The following WDR70 variants were observed in gnomAD, a reference collection of about 807,000 sequenced individuals.
The protein encoded by WDR70 is WD repeat domain 70, also known as WD repeat-containing protein 70.
WDR70 carries 53 observed loss-of-function variants against 88.6 expected under a neutral mutation model. The ratio of observed to expected loss-of-function variants is 0.60; its 90% CI spans 0.48 to 0.75. WDR70 has a LOEUF of 0.75. Among genes scored for constraint, WDR70 ranks in the 30% least tolerant of loss-of-function variants. The pLI is 0.00. For missense variants in WDR70, 610 were observed against 823.2 expected, an observed-to-expected ratio of 0.74 and a Z score of 3.17; for synonymous variants, 280 against 270.0, an observed-to-expected ratio of 1.04 and a Z score of -0.36.
chr5:37,753,057 T>C lies in WDR70; in HGVS notation c.*484T>C, dbSNP rs1188682350. ...TGCCATACTGGGAAAGAGCATTATC[T>C]CATTATCCTTCAATAGCAGAATACA... On this transcript the variant is annotated 3_prime_UTR_variant, in exon 18 of 18. Coordinates refer to ENST00000265107, the MANE Select transcript of WDR70 (RefSeq NM_018034.4). 1.3e-5 allele frequency: 2 copies of C among 154,192 alleles called. No individual in the cohort carries two copies. Among genetic ancestry groups the C allele is most frequent in the Non-Finnish European group, 1.4e-5 (1 of 69,566 alleles). 9.6% of individuals were successfully genotyped at this position (154,192 alleles called of 1,614,324 possible).
chr5:37,673,977 C>T (rs1197542547), intron 10 of WDR70, among the ~76,000 whole-genome samples: 2 of 152,138 alleles, frequency 1.3e-5, no homozygotes, highest in African/African-American at 2.4e-5. Flanking sequence ...CACAGTATTC[C>T]ATGGTGTGTA....
chr5:37,692,970 T>C lies in WDR70; in HGVS notation c.1093-4685T>C, dbSNP rs535226532. Among the ~76,000 whole-genome samples, 13 of 152,286 alleles carry C rather than the reference T, an allele frequency of 8.5e-5. No individual in the cohort carries two copies. In the South Asian group the frequency reaches 2.7e-3, roughly 32 times the overall value. On this transcript the variant is annotated intron_variant, in intron 10 of 17. Transcript: ENST00000265107. The stretch of plus-strand genomic sequence containing the variant: ...ATGATTGTATATTTAGAAAACCCCA[T>C]TGTCTCATCCCAAAATCTCCTTAAG...
At position 37,682,631 on chromosome 5, in the gene WDR70, C is replaced by T. The variant is rs148366645; in HGVS notation, c.1093-15024C>T. Among the ~76,000 whole-genome samples the T allele has an allele frequency of 5.3e-5, 8 of 151,576 alleles. No individual in the cohort carries two copies. In the East Asian group the frequency reaches 9.7e-4, roughly 18 times the overall value. On this transcript the variant is annotated intron_variant, in intron 10 of 17. Coordinates refer to ENST00000265107, the MANE Select transcript of WDR70 (RefSeq NM_018034.4). ...CCAGAGATTCTGGTATGTTGTATCTCGTTAGTTTCAAAGAACTTCTTGATT... is the reference window on the plus strand; with the variant it reads ...CCAGAGATTCTGGTATGTTGTATCTTGTTAGTTTCAAAGAACTTCTTGATT...
chr5:37,599,630 G>A (rs59565213), intron 9 of WDR70, among the ~76,000 whole-genome samples: 2 of 152,130 alleles, frequency 1.3e-5, no homozygotes, highest in Non-Finnish European at 2.9e-5. Context: ...GGTGGCTCAC[G>A]CCTATAATCT....
intron 4 of WDR70, among the ~76,000 whole-genome samples, chr5:37,394,669 A>G (rs1748954566): frequency 6.6e-6 from 1 of 152,182 alleles, no homozygotes; most frequent in Non-Finnish European, 1.5e-5. Context: ...TTCTTTGAGG[A>G]GGAGACATTT....
rs1033494807 is a variant in WDR70 at position 37,506,587 on chromosome 5, G to C, written c.841-9927G>C. 1.3e-4 allele frequency: 104 copies of C among 775,394 alleles called. 4 individuals are homozygous for C. The Admixed American group carries it at 1.7e-3, about 13-fold the overall frequency. The allele number at this position is 775,394 out of a possible 1,614,324, so 48.0% of individuals were successfully genotyped here. ...TACCTCCCTCCAACATTTAATGTTAGCCACTCTGTGTGGAATCCTAACAAT... is the reference window on the plus strand; with the variant it reads ...TACCTCCCTCCAACATTTAATGTTACCCACTCTGTGTGGAATCCTAACAAT... On this transcript the variant is annotated intron_variant, in intron 8 of 17. Coordinates refer to ENST00000265107, the MANE Select transcript of WDR70 (RefSeq NM_018034.4).
intron 10 of WDR70, among the ~76,000 whole-genome samples, chr5:37,611,470 T>C (rs1298534456): frequency 6.6e-6 from 1 of 152,098 alleles, no homozygotes; most frequent in Non-Finnish European, 1.5e-5. Context: ...CTTTATATTT[T>C]TCATTTATAT....
intron 10 of WDR70, among the ~76,000 whole-genome samples, chr5:37,681,596 A>G (rs1306444049): frequency 2.6e-5 from 4 of 152,146 alleles, no homozygotes; most frequent in South Asian, 4.1e-4. Flanking sequence ...ATTTTGAGGT[A>G]TGTTTCTTTA....
chr5:37,430,072 A>G (rs1750255887), intron 5 of WDR70, among the ~76,000 whole-genome samples: 1 of 152,198 alleles, frequency 6.6e-6, no homozygotes, highest in African/African-American at 2.4e-5. Flanking sequence ...TTAAAAAATT[A>G]TTTCTAAGTT....
At chr5:37,391,359 A>G (rs552794147) in intron 3 of WDR70, among the ~76,000 whole-genome samples, 9 of 152,166 alleles carry the variant, frequency 5.9e-5, no homozygotes, top group Non-Finnish European at 1.0e-4. Context: ...ATCCATCTCT[A>G]TAACACTGTT....
chr5:37,501,525 T>TG (rs1302453491), intron 8 of WDR70, among the ~76,000 whole-genome samples: 1 of 152,178 alleles, frequency 6.6e-6, no homozygotes, highest in East Asian at 1.9e-4. Flanking sequence ...AAAAAGATCT[T>TG]GTAGTATTTT....
intron 10 of WDR70, among the ~76,000 whole-genome samples, chr5:37,631,407 C>T (rs539134512): frequency 5.9e-5 from 9 of 152,174 alleles, no homozygotes; most frequent in African/African-American, 2.2e-4. Context: ...TTTACCTCAC[C>T]GTTAGTAACA....
chr5:37,639,762 T>C (rs1216040573), intron 10 of WDR70, among the ~76,000 whole-genome samples: 1 of 152,194 alleles, frequency 6.6e-6, no homozygotes, highest in Non-Finnish European at 1.5e-5. Context: ...TGACTTCTGC[T>C]TAGCATATTC....
chr5:37,711,882 T>C, intron 13 of WDR70, among the ~76,000 whole-genome samples: 1 of 152,178 alleles, frequency 6.6e-6, no homozygotes, highest in East Asian at 1.9e-4. Flanking sequence ...TATATTCTTG[T>C]TGGGACTAAC....
At chr5:37,433,235 A>G (rs974312653) in intron 5 of WDR70, among the ~76,000 whole-genome samples, 1 of 151,700 alleles carries the variant, frequency 6.6e-6, no homozygotes, top group Non-Finnish European at 1.5e-5. Flanking sequence ...TAATTTTTGT[A>G]TTTTTAGTAG....
intron 5 of WDR70, among the ~76,000 whole-genome samples, chr5:37,407,814 C>T (rs1749399472): frequency 6.6e-6 from 1 of 151,876 alleles, no homozygotes; most frequent in Non-Finnish European, 1.5e-5. Flanking sequence ...AAGGTGTGAG[C>T]CACAGGCAGG....
intron 10 of WDR70, among the ~76,000 whole-genome samples, chr5:37,645,332 T>C (rs1745204467): frequency 6.6e-6 from 1 of 152,096 alleles, no homozygotes; most frequent in Non-Finnish European, 1.5e-5. Flanking sequence ...CTAGGTTTAT[T>C]CCATTGTGGT....
Position 37,632,465 on chromosome 5 carries a change from G to A in WDR70, c.1092+27227G>A, listed in dbSNP as rs186686682. On this transcript the variant is annotated intron_variant, in intron 10 of 17. Transcript: ENST00000265107. The stretch of plus-strand genomic sequence containing the variant: ...TGTTATTACCTCTGAACACCTTTCA[G>A]TGGGTTGATATATAATGGTGGAAGA... 7.2e-5 allele frequency among the ~76,000 whole-genome samples: 11 copies of A among 152,270 alleles called. No homozygotes were observed. In the East Asian group the frequency reaches 2.1e-3, roughly 29 times the overall value.
At chr5:37,728,485 C>G (rs1169832754) in intron 17 of WDR70, among the ~76,000 whole-genome samples, 1 of 151,850 alleles carries the variant, frequency 6.6e-6, no homozygotes, top group Non-Finnish European at 1.5e-5. Flanking sequence ...ATAACAGTTA[C>G]CTTTCCTATG....
Sources: allele counts gnomAD v4.1 joint callset (sites outside exome capture counted in the v4.1 genomes callset), GRCh38; gene constraint gnomAD v4.1.1; transcripts MANE v1.5; gene names NCBI Gene and HGNC (gene_info 2026-07-23, HGNC 2026-07-21).